The following NELL1 variants were observed in gnomAD, a reference collection of about 807,000 sequenced individuals.
NELL1 encodes the protein neural EGFL like 1, also known as protein kinase C-binding protein NELL1.
NELL1 carries 76 observed loss-of-function variants against 107.4 expected under a neutral mutation model. The ratio of observed to expected loss-of-function variants is 0.71; its 90% confidence interval spans 0.59 to 0.86. The LOEUF is 0.86. Among genes scored for constraint, NELL1 ranks in the 40% least tolerant of loss-of-function variants. The pLI is 0.00. For missense variants in NELL1, 1,024 were observed against 1,005.5 expected (o/e 1.02, Z -0.25); for synonymous variants, 353 against 341.2 (o/e 1.03, Z -0.38).
At chr11:21,324,820 G>C (rs1312869518) in intron 14 of NELL1, among the ~76,000 whole-genome samples, 1 of 152,020 alleles carries the variant, frequency 6.6e-6, no homozygotes, top group Non-Finnish European at 1.5e-5. Context: ...AGAGGAAAGA[G>C]AACTGATGTT....
intron 14 of NELL1, among the ~76,000 whole-genome samples, chr11:21,355,941 C>A (rs1348516944): frequency 6.6e-6 from 1 of 152,040 alleles, no homozygotes; most frequent in African/African-American, 2.4e-5. Context: ...CTTGCTGTAA[C>A]CTTTGCCTGG....
At chr11:21,362,539 A>G (rs1851101037) in intron 14 of NELL1, among the ~76,000 whole-genome samples, 1 of 152,176 alleles carries the variant, frequency 6.6e-6, no homozygotes, top group African/African-American at 2.4e-5. Context: ...TGTTGTGGGC[A>G]TTGGAATTAG....
intron 15 of NELL1, among the ~76,000 whole-genome samples, chr11:21,372,488 T>G (rs879656019): frequency 6.6e-6 from 1 of 152,074 alleles, no homozygotes; most frequent in Non-Finnish European, 1.5e-5. Flanking sequence ...AGTTAGATAT[T>G]ATTACTCTTA....
intron 14 of NELL1, among the ~76,000 whole-genome samples, chr11:21,304,262 C>T (rs931038629): frequency 1.3e-4 from 19 of 151,984 alleles, no homozygotes; most frequent in African/African-American, 3.9e-4. Flanking sequence ...TGTCTAAATG[C>T]GTCCTATGTA....
intron 16 of NELL1, among the ~76,000 whole-genome samples, chr11:21,557,303 C>T (rs184547669): frequency 1.8e-4 from 28 of 152,098 alleles, no homozygotes; most frequent in Non-Finnish European, 3.1e-4. Context: ...CCTGGTTTTG[C>T]GCCCTGCTTT....
At chr11:20,794,861 T>C (rs1392249439) in intron 3 of NELL1, among the ~76,000 whole-genome samples, 2 of 152,152 alleles carry the variant, frequency 1.3e-5, no homozygotes, top group African/African-American at 4.8e-5. Context: ...CAGTTAAAAG[T>C]CATCTTTGCT....
At chr11:20,923,880 A>G (rs1850433561) in intron 7 of NELL1, among the ~76,000 whole-genome samples, 1 of 152,170 alleles carries the variant, frequency 6.6e-6, no homozygotes, top group Non-Finnish European at 1.5e-5. Flanking sequence ...AGCAAATGCC[A>G]AGTAAATGGT....
intron 12 of NELL1, among the ~76,000 whole-genome samples, chr11:21,006,260 T>A (rs1852325725): frequency 6.6e-6 from 1 of 152,014 alleles, no homozygotes; most frequent in Admixed American, 6.6e-5. Flanking sequence ...GATCCCATGA[T>A]GGGACTGGTG....
rs4922733 is a variant in NELL1 at position 21,048,764 on chromosome 11, C to T, written c.1301-64825C>T. Among the ~76,000 whole-genome samples, 161 of 152,248 alleles carry T rather than the reference C, an allele frequency of 1.1e-3. 1 individual carries two copies. The highest frequency in any genetic ancestry group is 6.7e-3 in the Admixed American group (102 of 15,290). ...CCCTTCCATGCACATGGAATGTCCA[C>T]GCCTCCGCTGGCTTCTCTCATTTTC... On this transcript the variant is annotated intron_variant, in intron 12 of 19. Transcript: ENST00000357134.
intron 2 of NELL1, among the ~76,000 whole-genome samples, chr11:20,742,711 C>T (rs897803396): frequency 1.3e-5 from 2 of 152,100 alleles, no homozygotes; most frequent in African/African-American, 2.4e-5. Context: ...AAAGACCCAC[C>T]CCCGTGATTC....
In NELL1 at chr11:21,415,798, A is replaced by T. The variant is rs905075849; in HGVS notation, c.1645+44850A>T. ...CCATTCTCTGGCACTGGTGCTAGAAAGCAGAAGCAGGAACCAGGTGTTTGA... is the reference window on the plus strand; with the variant it reads ...CCATTCTCTGGCACTGGTGCTAGAATGCAGAAGCAGGAACCAGGTGTTTGA... On this transcript the variant is annotated intron_variant, in intron 15 of 19. Transcript: ENST00000357134. Among the ~76,000 whole-genome samples, 5 of 152,046 alleles carry T rather than the reference A, an allele frequency of 3.3e-5. No individual in the cohort carries two copies. The East Asian group carries it at 9.7e-4, about 30-fold the overall frequency.
chr11:21,567,680 G>T (rs576017253), intron 17 of NELL1, among the ~76,000 whole-genome samples: 1 of 151,848 alleles, frequency 6.6e-6, no homozygotes, highest in South Asian at 2.1e-4. Flanking sequence ...AAACATCTCA[G>T]CAAGTCCTGT....
At chr11:21,105,207 G>T (rs547909508) in intron 12 of NELL1, among the ~76,000 whole-genome samples, 155 of 152,250 alleles carry the variant, frequency 1.0e-3, no homozygotes, top group Non-Finnish European at 1.7e-3. Context: ...GTGGAGTGGG[G>T]TTAAGAGTGG....
intron 12 of NELL1, among the ~76,000 whole-genome samples, chr11:21,050,272 C>T (rs1278459945): frequency 7.5e-6 from 1 of 133,898 alleles, no homozygotes; most frequent in Non-Finnish European, 1.6e-5. Flanking sequence ...CCCATCCCCG[C>T]CCCCCACTTT....
At chr11:21,572,238 A>T (rs753004271) in intron 18 of NELL1, among the ~76,000 whole-genome samples, 8 of 151,512 alleles carry the variant, frequency 5.3e-5, no homozygotes, top group Non-Finnish European at 1.2e-4. Context: ...CATAGATAGA[A>T]TTTCAAAAGT....
intron 15 of NELL1, among the ~76,000 whole-genome samples, chr11:21,445,217 G>A (rs1853392570): frequency 6.6e-6 from 1 of 152,080 alleles, no homozygotes. Flanking sequence ...CACCACAATA[G>A]CAGTGTTATA....
At chr11:20,693,656 C>T (rs1854533586) in intron 2 of NELL1, among the ~76,000 whole-genome samples, 1 of 152,120 alleles carries the variant, frequency 6.6e-6, no homozygotes, top group African/African-American at 2.4e-5. Flanking sequence ...GAGAGATCCG[C>T]TGTTAGTCTG....
At chr11:21,365,468 G>A (rs1392456877) in intron 14 of NELL1, among the ~76,000 whole-genome samples, 3 of 152,110 alleles carry the variant, frequency 2.0e-5, no homozygotes, top group African/African-American at 7.2e-5. Context: ...GGATGAAATG[G>A]AATTATGATA....
intron 16 of NELL1, among the ~76,000 whole-genome samples, chr11:21,551,593 T>A (rs571066636): frequency 3.5e-4 from 53 of 151,548 alleles, no homozygotes; most frequent in Non-Finnish European, 6.8e-4. Flanking sequence ...TGAGATACCA[T>A]CTCACACCAG....
Sources: allele counts gnomAD v4.1 joint callset (sites outside exome capture counted in the v4.1 genomes callset), GRCh38; gene constraint gnomAD v4.1.1; transcripts MANE v1.5; gene names NCBI Gene and HGNC (gene_info 2026-07-23, HGNC 2026-07-21).